Variants in OTOGL observed in about 807,000 individuals in gnomAD.
OTOGL encodes the protein otogelin like.
OTOGL carries 285 observed loss-of-function variants against 318.5 expected under a neutral mutation model. The observed-to-expected ratio is 0.89, with a 90% CI of 0.81 to 0.99. The LOEUF is 0.99. OTOGL is among the 50% of genes least tolerant of loss of function. The pLI, the probability that OTOGL is intolerant of heterozygous loss-of-function variation, is 0.00. For missense variants in OTOGL, 2,899 were observed against 2,845.6 expected (o/e 1.02, Z -0.43); for synonymous variants, 987 against 936.5 (o/e 1.05, Z -0.99).
chr12:80,154,163 G>A (rs1411581624), intron 1 of OTOGL, among the ~76,000 whole-genome samples: 1 of 152,042 alleles, frequency 6.6e-6, no homozygotes, highest in Non-Finnish European at 1.5e-5. Flanking sequence ...ACAAAAATTA[G>A]CCAGGCATGG....
At chr12:80,164,065 AG>A (rs1286588321) in intron 1 of OTOGL, among the ~76,000 whole-genome samples, 1 of 152,156 alleles carries the variant, frequency 6.6e-6, no homozygotes, top group African/African-American at 2.4e-5. Context: ...CCTCAAGAAT[AG>A]GGTACCCAAA....
intron 55 of OTOGL, 108 bp downstream of exon 55, chr12:80,368,417 A>C: frequency 6.3e-6 from 4 of 635,100 alleles, no homozygotes; most frequent in Non-Finnish European, 1.1e-5. Flanking sequence ...CATACAATAA[A>C]CACAGTACAC....
chr12:80,305,478 A>G (rs927769191), intron 28 of OTOGL, 98 bp from the exon 29 acceptor site: 112 of 1,060,920 alleles, frequency 1.1e-4, no homozygotes, highest in Middle Eastern at 2.2e-4. Flanking sequence ...AAAATGCTTA[A>G]ATATATATTT....
chr12:80,138,669 A>G (rs1433313903), intron 1 of OTOGL, among the ~76,000 whole-genome samples: 4 of 152,198 alleles, frequency 2.6e-5, no homozygotes, highest in Non-Finnish European at 5.9e-5. Flanking sequence ...TTTGAAGCAA[A>G]AAAGGCCAAT....
intron 1 of OTOGL, among the ~76,000 whole-genome samples, chr12:80,149,743 A>G (rs1247884819): frequency 6.6e-5 from 10 of 152,158 alleles, no homozygotes; most frequent in Admixed American, 3.9e-4. Flanking sequence ...AGGACCCTCC[A>G]AGCCAGGTGT....
chr12:80,214,514 A>G (rs1877532507), intron 4 of OTOGL, among the ~76,000 whole-genome samples: 1 of 152,202 alleles, frequency 6.6e-6, no homozygotes, highest in Middle Eastern at 3.2e-3. Context: ...GCAGGCTTTC[A>G]GTGTGCACAG....
intron 11 of OTOGL, 87 bp downstream of exon 11, chr12:80,239,526 C>A: frequency 1.1e-6 from 1 of 917,662 alleles, no homozygotes; most frequent in African/African-American, 1.7e-5. Context: ...ACCATTTCAG[C>A]TGTTCACAAA....
intron 45 of OTOGL, among the ~76,000 whole-genome samples, chr12:80,352,913 T>C (rs191821326): frequency 6.6e-6 from 1 of 152,342 alleles, no homozygotes; most frequent in Admixed American, 6.5e-5. Context: ...AACCTAAATA[T>C]ACAACATTTT....
intron 4 of OTOGL, among the ~76,000 whole-genome samples, chr12:80,213,552 G>T (rs959048234): frequency 1.3e-5 from 2 of 152,118 alleles, no homozygotes; most frequent in African/African-American, 4.8e-5. Context: ...CACCTCTGAC[G>T]CCAGAATAGG....
intron 56 of OTOGL, among the ~76,000 whole-genome samples, chr12:80,371,746 T>C (rs1370927263): frequency 1.3e-5 from 2 of 152,146 alleles, no homozygotes; most frequent in Non-Finnish European, 2.9e-5. Context: ...GTAAGAATAT[T>C]TTGTGGCATT....
chr12:80,355,826 A>G lies in OTOGL; in HGVS notation c.5684A>G (p.Asn1895Ser). The G allele has an allele frequency of 6.2e-7, 1 of 1,613,946 alleles. No homozygotes were observed. The highest frequency in any genetic ancestry group is 1.1e-5 in the South Asian group (1 of 91,086). The change falls in exon 47 of 59, where the codon AAT becomes AGT. Residue 1895 changes from asparagine to serine, a missense_variant. This residue lies in a region of OTOGL where 2,607 missense variants were observed against 2,524.9 expected (regional missense o/e 1.03). Coordinates refer to ENST00000547103, the MANE Select transcript of OTOGL (RefSeq NM_001378609.3). ...DECTLYKCLE[N>S]GSIIPIEPDC... Reference sequence around the variant, plus strand: ...TGCACTCTATACAAATGTTTGGAGAATGGAAGCATTATCCCTATAGAACCT... The same window carrying G: ...TGCACTCTATACAAATGTTTGGAGAGTGGAAGCATTATCCCTATAGAACCT...
At chr12:80,295,157 CTT>C (rs66786755) in intron 26 of OTOGL, among the ~76,000 whole-genome samples, 6 of 98,936 alleles carry the variant, frequency 6.1e-5, no homozygotes, top group African/African-American at 2.9e-4. Context: ...GATTGCCGAA[CTT>C]TTTTTTTTTT....
In OTOGL at chr12:80,333,078, G is replaced by A. The variant is rs761722005; in HGVS notation, c.4422G>A (p.Glu1474=). 1 of 1,587,538 alleles carries A rather than the reference G, an allele frequency of 6.3e-7. No homozygotes were observed. The highest frequency in any genetic ancestry group is 1.1e-5 in the South Asian group (1 of 87,676). The change falls in exon 38 of 59, where the codon GAG becomes GAA. Residue 1474 remains glutamate, a splice_region_variant and synonymous_variant. Transcript: ENST00000547103. ...MLTPTTGLEC[E]PQKFDPVYDC... ...CACCAACTACAGGCTTGGAATGTGA[G>A]GTATGACTGAGCAATATCTTCCAGC... is the stretch of plus-strand genomic sequence containing the variant.
chr12:80,236,008 G>A (rs1264590900), intron 9 of OTOGL, among the ~76,000 whole-genome samples: 2 of 152,150 alleles, frequency 1.3e-5, no homozygotes, highest in Non-Finnish European at 2.9e-5. Context: ...GTATTTTGCT[G>A]ATTAGAAAAA....
chr12:80,118,357 A>G (rs1389414887), intron 1 of OTOGL, among the ~76,000 whole-genome samples: 5 of 152,184 alleles, frequency 3.3e-5, no homozygotes, highest in Admixed American at 1.3e-4. Context: ...TGATTTTGCA[A>G]TGATGGGTAA....
At chr12:80,252,666 A>G (rs1881678142) in intron 13 of OTOGL, among the ~76,000 whole-genome samples, 1 of 152,202 alleles carries the variant, frequency 6.6e-6, no homozygotes, top group Admixed American at 6.6e-5. Flanking sequence ...TCTAAAGAAC[A>G]CTGAGGATTT....
intron 1 of OTOGL, among the ~76,000 whole-genome samples, chr12:80,142,736 T>A (rs1330859199): frequency 2.0e-5 from 3 of 152,022 alleles, no homozygotes; most frequent in Admixed American, 6.6e-5. Context: ...TAGATAGTCT[T>A]AGGAAAAGGG....
At chr12:80,174,639 C>T (rs1467205890) in intron 1 of OTOGL, among the ~76,000 whole-genome samples, 1 of 152,186 alleles carries the variant, frequency 6.6e-6, no homozygotes. Flanking sequence ...GGCTAAAGTT[C>T]AGAGGGGTAT....
intron 57 of OTOGL, among the ~76,000 whole-genome samples, chr12:80,375,186 G>T (rs1272920572): frequency 6.6e-6 from 1 of 152,144 alleles, no homozygotes. Flanking sequence ...AGATTGTGGA[G>T]GTTGGATACT....
Sources: allele counts gnomAD v4.1 joint callset (sites outside exome capture counted in the v4.1 genomes callset), GRCh38; gene constraint gnomAD v4.1.1; regional missense constraint gnomAD v4.1.1; transcripts MANE v1.5; gene names NCBI Gene and HGNC (gene_info 2026-07-23, HGNC 2026-07-21).